The following RHBDD1 variants were observed in gnomAD, a reference collection of about 807,000 sequenced individuals.
The protein encoded by RHBDD1 is rhomboid-related protein 4.
Under a neutral mutation model 36.3 loss-of-function variants are expected in RHBDD1, and 38 were observed. The observed-to-expected ratio is 1.05, with a 90% CI of 0.81 to 1.37. The LOEUF is 1.37. RHBDD1 is among the 40% of genes most tolerant of loss of function. The pLI is 0.00. For synonymous variants in RHBDD1, 151 were observed against 136.5 expected (o/e 1.11, Z -0.74); for missense variants, 393 against 377.6 (o/e 1.04, Z -0.34).
chr2:226,875,828 C>A (rs974073475), intron 5 of RHBDD1, among the ~76,000 whole-genome samples: 29 of 152,184 alleles, frequency 1.9e-4, no homozygotes, highest in African/African-American at 7.0e-4. Context: ...ACCACTAGTT[C>A]CTTGAGATGT....
chr2:226,842,321 T>G (rs1048942718), intron 3 of RHBDD1, among the ~76,000 whole-genome samples: 1 of 152,172 alleles, frequency 6.6e-6, no homozygotes, highest in Non-Finnish European at 1.5e-5. Flanking sequence ...ATTTTTGCTT[T>G]TGTTGCAATT....
the RHBDD1 span, among the ~76,000 whole-genome samples, chr2:226,830,080 A>G: frequency 1.3e-5 from 2 of 152,208 alleles, no homozygotes; most frequent in South Asian, 2.1e-4. Flanking sequence ...TGGATTTAGA[A>G]CAGTGCTTTT....
intron 8 of RHBDD1, among the ~76,000 whole-genome samples, chr2:226,981,898 A>G (rs1406478868): frequency 2.0e-5 from 3 of 151,980 alleles, no homozygotes; most frequent in Non-Finnish European, 4.4e-5. Flanking sequence ...CACGTATCTC[A>G]TGGAGCTTAT....
intron 3 of RHBDD1, among the ~76,000 whole-genome samples, chr2:226,841,526 C>T (rs1192477257): frequency 6.6e-6 from 1 of 152,164 alleles, no homozygotes; most frequent in Non-Finnish European, 1.5e-5. Context: ...CATCATTTAG[C>T]TCCCAGTTAT....
the RHBDD1 span, among the ~76,000 whole-genome samples, chr2:226,827,899 C>T: frequency 6.6e-6 from 1 of 152,160 alleles, no homozygotes; most frequent in African/African-American, 2.4e-5. Flanking sequence ...CTTTACTAGG[C>T]CTTGGACATA....
chr2:226,941,894 A>C (rs1950689191), intron 8 of RHBDD1, among the ~76,000 whole-genome samples: 2 of 152,186 alleles, frequency 1.3e-5, no homozygotes, highest in Admixed American at 1.3e-4. Context: ...AGATTCACTT[A>C]CCCACGCAGA....
At chr2:226,988,553 C>T (rs1014146151) in intron 8 of RHBDD1, 215 of 1,415,542 alleles carry the variant, frequency 1.5e-4, no homozygotes, top group Non-Finnish European at 1.9e-4. Flanking sequence ...GCCCTCTCTG[C>T]GGACTGGTGT....
At chr2:226,959,915 TG>T (rs1413385680) in intron 8 of RHBDD1, among the ~76,000 whole-genome samples, 1 of 152,036 alleles carries the variant, frequency 6.6e-6, no homozygotes, top group Non-Finnish European at 1.5e-5. Context: ...CTCTGCCTCC[TG>T]GGTTCAAGCG....
chr2:226,854,326 C>G (rs1185327049), intron 3 of RHBDD1, among the ~76,000 whole-genome samples: 7 of 152,082 alleles, frequency 4.6e-5, no homozygotes, highest in Non-Finnish European at 8.8e-5. Flanking sequence ...GGCGTGGTGG[C>G]TCACACCTGT....
chr2:226,950,022 T>TA (rs761554596), intron 8 of RHBDD1, among the ~76,000 whole-genome samples: 4 of 152,244 alleles, frequency 2.6e-5, no homozygotes, highest in Non-Finnish European at 5.9e-5. Context: ...CTAAACAACC[T>TA]AATTAACATA....
intron 8 of RHBDD1, among the ~76,000 whole-genome samples, chr2:226,955,879 T>A (rs1438227558): frequency 6.6e-6 from 1 of 152,180 alleles, no homozygotes; most frequent in East Asian, 1.9e-4. Context: ...TACAGTCACA[T>A]TGGGGGTTAG....
chr2:226,967,189 TAAC>T (rs150017880), intron 8 of RHBDD1, among the ~76,000 whole-genome samples: 319 of 152,248 alleles, frequency 2.1e-3, no homozygotes, highest in African/African-American at 7.1e-3. Flanking sequence ...AAATCCCACA[TAAC>T]AAATATTTCA....
At chr2:226,910,403 T>A (rs1447158370) in intron 7 of RHBDD1, among the ~76,000 whole-genome samples, 1 of 152,210 alleles carries the variant, frequency 6.6e-6, no homozygotes, top group Non-Finnish European at 1.5e-5. Context: ...ATGCTAATGG[T>A]CATCTAGGGA....
intron 5 of RHBDD1, among the ~76,000 whole-genome samples, chr2:226,901,820 ACTT>A (rs1947622139): frequency 3.3e-5 from 5 of 152,356 alleles, no homozygotes; most frequent in African/African-American, 9.6e-5. Context: ...TGAGTAAAGC[ACTT>A]GACTAGACAT....
intron 8 of RHBDD1, chr2:226,968,841 C>T (rs988738259): frequency 2.6e-5 from 4 of 152,228 alleles, no homozygotes; most frequent in Non-Finnish European, 5.9e-5. Context: ...TTCCCTGAAC[C>T]TCAGCTCTCA....
At chr2:226,838,847 C>T (rs1438252733) in intron 2 of RHBDD1, among the ~76,000 whole-genome samples, 2 of 152,098 alleles carry the variant, frequency 1.3e-5, no homozygotes, top group African/African-American at 2.4e-5. Flanking sequence ...ATCACTGTAA[C>T]AGAGCAACTT....
At chr2:226,883,711 G>T (rs1945973256) in intron 5 of RHBDD1, among the ~76,000 whole-genome samples, 2 of 152,082 alleles carry the variant, frequency 1.3e-5, no homozygotes, top group South Asian at 2.1e-4. Context: ...GTACTATGTT[G>T]GATGTCCCAG....
intron 3 of RHBDD1, among the ~76,000 whole-genome samples, chr2:226,862,575 T>A (rs1943951371): frequency 6.6e-6 from 1 of 152,190 alleles, no homozygotes. Flanking sequence ...GACTCTTCCC[T>A]CCAAGCACTT....
rs146900120 is a variant in RHBDD1, at chr2:226,966,344, A to G, written c.857-29087A>G. Among the ~76,000 whole-genome samples, 113 of 152,252 alleles carry G rather than the reference A, an allele frequency of 7.4e-4. 1 individual carries two copies. The highest frequency in any genetic ancestry group is 2.5e-3 in the African/African-American group (105 of 41,540). On this transcript the variant is annotated intron_variant, in intron 8 of 8. Transcript: ENST00000392062. ...TTTTCTCTGCCTATGGTACCTAACT[A>G]TATAGAAGGGATCCTCCTAGGGGCC...
Sources: allele counts gnomAD v4.1 joint callset (sites outside exome capture counted in the v4.1 genomes callset), GRCh38; gene constraint gnomAD v4.1.1; transcripts MANE v1.5; gene names NCBI Gene and HGNC (gene_info 2026-07-23, HGNC 2026-07-21).